Variants in GRTP1 observed in about 807,000 individuals in gnomAD.
GRTP1 encodes the protein growth hormone regulated TBC protein 1, also known as growth hormone-regulated TBC protein 1.
A neutral mutation model predicts 38.1 loss-of-function variants in GRTP1; 56 were observed. The observed-to-expected ratio is 1.47, with a 90% CI of 1.19 to 1.84. The LOEUF is 1.84. Among genes scored for constraint, GRTP1 ranks in the 40% most tolerant of loss-of-function variants. The probability of loss-of-function intolerance (pLI) is 0.00; values close to 1 mark genes in which losing one functional copy is unlikely to be tolerated. For synonymous variants in GRTP1, 217 were observed against 189.5 expected, an observed-to-expected ratio of 1.14 and a Z score of -1.19; for missense variants, 506 against 453.9, an observed-to-expected ratio of 1.11 and a Z score of -1.04.
intron 5 of GRTP1, among the ~76,000 whole-genome samples, chr13:113,339,206 A>G (rs9549742): frequency 0.4 from 60,195 of 151,872 alleles, 12,562 homozygotes; most frequent in East Asian, 0.79. Context: ...GAGCCACCAC[A>G]CCCTGGCTTT....
chr13:113,350,502 T>C (rs11619615), intron 4 of GRTP1, among the ~76,000 whole-genome samples: 46,310 of 137,798 alleles, frequency 0.34, 7,711 homozygotes, highest in East Asian at 0.6. Context: ...ATGGTGCACA[T>C]GCCTTCCAGC....
rs1449844411 is a variant in GRTP1, at chr13:113,346,193, TGA to T, written c.466-1236_466-1235del. 6.4e-3 allele frequency among the ~76,000 whole-genome samples: 403 copies of T among 63,400 alleles called. 20 individuals carry two copies. The highest frequency in any genetic ancestry group is 0.022 in the Admixed American group (127 of 5,774). The allele number at this position is 63,400 out of a possible 152,430, so 41.6% of individuals were successfully genotyped here. A position where few individuals can be genotyped will look rare whatever the true frequency, so the allele number is the denominator to read the frequency against. ...GTGGACCCGGGAGGACCTCTGTGGC[TGA>T]GAGCAGACCCGGGAGGACCTCTGTG... is the stretch of plus-strand genomic sequence containing the variant. On this transcript the variant is annotated intron_variant, in intron 4 of 7. Coordinates refer to ENST00000375431, the MANE Select transcript of GRTP1 (RefSeq NM_024719.4).
chr13:113,327,470 G>A (rs746023709), intron 5 of GRTP1, among the ~76,000 whole-genome samples: 6 of 152,168 alleles, frequency 3.9e-5, no homozygotes, highest in South Asian at 2.1e-4. Flanking sequence ...GAGCCACTGC[G>A]CCCAGTCTGT....
rs1296748647 is a variant in GRTP1 at position 113,343,757 on chromosome 13, C to T, written c.562+1106G>A. On this transcript the variant is annotated intron_variant, in intron 5 of 7. Transcript: ENST00000375431. This position sits in a 1 kb window ranked among gnomAD's most constrained non-coding sequence, Gnocchi z 4.8. ...ACCAGGCAGGAGCTGGAGCCACACACCCCCAGGCTCCAAACACTGGGGACT... is the reference window on the plus strand; with the variant it reads ...ACCAGGCAGGAGCTGGAGCCACACATCCCCAGGCTCCAAACACTGGGGACT... Among the ~76,000 whole-genome samples, 1 of 152,204 alleles carries T rather than the reference C, an allele frequency of 6.6e-6. No individual in the cohort carries two copies. The highest frequency in any genetic ancestry group is 1.9e-4 in the East Asian group (1 of 5,182).
At chr13:113,338,801 C>G (rs1353264039) in intron 5 of GRTP1, among the ~76,000 whole-genome samples, 1 of 152,204 alleles carries the variant, frequency 6.6e-6, no homozygotes, top group Non-Finnish European at 1.5e-5. Flanking sequence ...GGGAGCTCAG[C>G]CATGGGTTCA....
intron 3 of GRTP1, chr13:113,351,862 A>C (rs996275703): frequency 2.0e-5 from 3 of 152,232 alleles, no homozygotes; most frequent in African/African-American, 4.8e-5. Flanking sequence ...CACAAGTTCC[A>C]AGATGGACTC....
At chr13:113,354,695 T>C (rs968983790) in intron 3 of GRTP1, among the ~76,000 whole-genome samples, 1 of 152,022 alleles carries the variant, frequency 6.6e-6, no homozygotes, top group African/African-American at 2.4e-5. Flanking sequence ...CGCCCGGCTA[T>C]TTTGTATTTT....
At position 113,355,012 on chromosome 13, in the gene GRTP1, C is replaced by T. The variant is rs138879725; in HGVS notation, c.340+311G>A. ...GTCCGAAGGCCGCGTGAACAGTGCC[C>T]GGTGCGAAGCGCACCGGCAACAGAG... On this transcript the variant is annotated intron_variant, in intron 3 of 7. Coordinates refer to ENST00000375431, the MANE Select transcript of GRTP1 (RefSeq NM_024719.4). 1.2e-4 allele frequency among the ~76,000 whole-genome samples: 19 copies of T among 152,320 alleles called. No homozygotes were observed. The East Asian group carries it at 2.1e-3, about 17-fold the overall frequency.
At chr13:113,338,347 G>A (rs1050706491) in intron 5 of GRTP1, among the ~76,000 whole-genome samples, 19 of 152,176 alleles carry the variant, frequency 1.2e-4, no homozygotes, top group African/African-American at 4.1e-4. Context: ...CACGGGGAGC[G>A]TGTCCTCAGG....
chr13:113,349,322 G>A lies in GRTP1; in HGVS notation c.465+1527C>T, dbSNP rs1284140611. Among the ~76,000 whole-genome samples, 4 of 151,494 alleles carry A rather than the reference G, an allele frequency of 2.6e-5. No homozygotes were observed. In the East Asian group the frequency reaches 5.9e-4, roughly 22 times the overall value. On this transcript the variant is annotated intron_variant, in intron 4 of 7. Coordinates refer to ENST00000375431, the MANE Select transcript of GRTP1 (RefSeq NM_024719.4). The surrounding 1 kb of genome is among the most constrained non-coding windows in gnomAD (Gnocchi z 5.0). ...TCTCACCTCAGCCCCTCGAGCAGCC[G>A]GGACCACAGGCGTGTGCCACCACAC...
chr13:113,345,710 G>A (rs571748577), intron 4 of GRTP1, among the ~76,000 whole-genome samples: 20 of 152,374 alleles, frequency 1.3e-4, no homozygotes, highest in South Asian at 4.1e-4. Flanking sequence ...TGGCAGCAGC[G>A]CGGCGGCTTC....
Position 113,364,001 on chromosome 13 carries a change from C to T in GRTP1, c.32+19G>A, listed in dbSNP as rs767943940. 12 of 1,471,428 alleles carry T rather than the reference C, an allele frequency of 8.2e-6. No homozygotes were observed. Among genetic ancestry groups the T allele is most frequent in the Non-Finnish European group, 1.1e-5 (12 of 1,114,722 alleles). The allele number at this position is 1,471,428 out of a possible 1,614,324, so 91.1% of individuals were successfully genotyped here. A position where few individuals can be genotyped will look rare whatever the true frequency, so the allele number is the denominator to read the frequency against. ...GGGGACCGCAGCCGCCGGGGACGCCCGCACCCCGCGCCACACACCTGGGGA... is the reference window on the plus strand; with the variant it reads ...GGGGACCGCAGCCGCCGGGGACGCCTGCACCCCGCGCCACACACCTGGGGA... On this transcript the variant is annotated intron_variant, in intron 1 of 7. Transcript: ENST00000375431.
chr13:113,341,951 C>A (rs1019903051), intron 5 of GRTP1, among the ~76,000 whole-genome samples: 3 of 151,986 alleles, frequency 2.0e-5, no homozygotes, highest in African/African-American at 7.2e-5. Context: ...TCTGCCCGGC[C>A]CTGTTTTTTT....
Position 113,349,368 on chromosome 13 carries a change from T to C in GRTP1, c.465+1481A>G, listed in dbSNP as rs2139488661. ...CACACCCCGCTAATTTTTAAAAATATTTTGTAGAGATGGAGTCTTGCCACC... is the reference window on the plus strand; with the variant it reads ...CACACCCCGCTAATTTTTAAAAATACTTTGTAGAGATGGAGTCTTGCCACC... On this transcript the variant is annotated intron_variant, in intron 4 of 7. Coordinates refer to ENST00000375431, the MANE Select transcript of GRTP1 (RefSeq NM_024719.4). The surrounding 1 kb of genome is among the most constrained non-coding windows in gnomAD (Gnocchi z 5.0). 6.6e-6 allele frequency among the ~76,000 whole-genome samples: 1 copy of C among 151,512 alleles called. No homozygotes were observed. The highest frequency in any genetic ancestry group is 2.1e-4 in the South Asian group (1 of 4,798).
chr13:113,350,164 A>G (rs2043235234), intron 4 of GRTP1, among the ~76,000 whole-genome samples: 1 of 152,130 alleles, frequency 6.6e-6, no homozygotes, highest in Non-Finnish European at 1.5e-5. Context: ...CGACAGGCCC[A>G]GGCAGGACAC....
rs2042754146 is a variant in GRTP1 at position 113,325,786 on chromosome 13, C to T, written c.796G>A (p.Ala266Thr). Residue 266 changes from alanine (A) to threonine (T), a missense_variant, in exon 7 of 8, where the codon GCC becomes ACC. By Grantham distance (58) the Ala-to-Thr change is moderately conservative (BLOSUM62 0). Coordinates refer to ENST00000375431, the MANE Select transcript of GRTP1 (RefSeq NM_024719.4). ...NEGSKIIFRV[A>T]LTLIKQHQEL... ...TGGTGCTGCTTAATTAAGGTCAGGGCCACCCGGAAGATAATCTTCGAGCCT... is the reference window on the plus strand; with the variant it reads ...TGGTGCTGCTTAATTAAGGTCAGGGTCACCCGGAAGATAATCTTCGAGCCT... The T allele has an allele frequency of 6.2e-7, 1 of 1,614,204 alleles. No homozygotes were observed.
At chr13:113,341,236 T>C (rs1049001741) in intron 5 of GRTP1, among the ~76,000 whole-genome samples, 5 of 151,992 alleles carry the variant, frequency 3.3e-5, no homozygotes, top group Non-Finnish European at 5.9e-5. Context: ...CTTCAGTGTC[T>C]GTGCTTTTAT....
chr13:113,351,956 CGGCTGCAAAATACT>C, intron 3 of GRTP1: 1 of 152,146 alleles, frequency 6.6e-6, no homozygotes, highest in Admixed American at 6.5e-5. Flanking sequence ...CTCTCCACAA[CGGCTGCAAAATACT>C]GTAAGTCTGT....
Position 113,349,005 on chromosome 13 carries a change from G to A in GRTP1, c.465+1844C>T, listed in dbSNP as rs1350182369. The stretch of plus-strand genomic sequence containing the variant: ...AGGTTCCAAAAGCCAGCTGTGCTCT[G>A]GCATTCTGTTAGTATGTAACATTGT... On this transcript the variant is annotated intron_variant, in intron 4 of 7. Transcript: ENST00000375431. This position sits in a 1 kb window ranked among gnomAD's most constrained non-coding sequence, Gnocchi z 5.0. Among the ~76,000 whole-genome samples the A allele has an allele frequency of 2.6e-5, 4 of 152,168 alleles. No homozygotes were observed. The highest frequency in any genetic ancestry group is 5.9e-5 in the Non-Finnish European group (4 of 68,036).
Sources: allele counts gnomAD v4.1 joint callset (sites outside exome capture counted in the v4.1 genomes callset), GRCh38; gene constraint gnomAD v4.1.1; non-coding constraint Gnocchi (gnomAD v3.1); transcripts MANE v1.5; gene names NCBI Gene and HGNC (gene_info 2026-07-23, HGNC 2026-07-21).